The following CTNNA1 variants were observed in gnomAD, a reference collection of about 807,000 sequenced individuals.
The protein encoded by CTNNA1 is catenin alpha 1, also known as catenin alpha-1.
Under a neutral mutation model 98.4 loss-of-function variants are expected in CTNNA1, and 37 were observed. The ratio of observed to expected loss-of-function variants is 0.38; its 90% CI spans 0.29 to 0.49. The LOEUF is 0.49. CTNNA1 is among the 20% of genes least tolerant of loss of function. The probability of loss-of-function intolerance (pLI) is 0.95; values close to 1 mark genes in which losing one functional copy is unlikely to be tolerated. For missense variants in CTNNA1, 761 were observed against 1,147.2 expected (o/e 0.66, Z 4.86); for synonymous variants, 404 against 413.2 (o/e 0.98, Z 0.27).
intron 7 of CTNNA1, chr5:138,881,081 C>A (rs919107062): frequency 1.1e-5 from 5 of 456,148 alleles, no homozygotes; most frequent in African/African-American, 8.0e-5. Flanking sequence ...GATGTTGATT[C>A]CTCCTTGTAT....
chr5:138,780,101 C>T (rs1015130633), intron 1 of CTNNA1, among the ~76,000 whole-genome samples: 5 of 152,224 alleles, frequency 3.3e-5, no homozygotes, highest in Admixed American at 1.3e-4. Context: ...CCAGTTTTTA[C>T]ATGTTCCTTA....
At chr5:138,861,592 A>G (rs1299581603) in intron 7 of CTNNA1, among the ~76,000 whole-genome samples, 1 of 152,186 alleles carries the variant, frequency 6.6e-6, no homozygotes, top group Non-Finnish European at 1.5e-5. Flanking sequence ...TCCCAATTAA[A>G]AACAGCAAGA....
At chr5:138,791,161 T>C (rs1756313810) in intron 3 of CTNNA1, 1 of 152,188 alleles carries the variant, frequency 6.6e-6, no homozygotes, top group Non-Finnish European at 1.5e-5. Context: ...GTCTTAAGAT[T>C]TCTTTGAAAC....
rs577999576 is a variant in CTNNA1 at position 138,805,915 on chromosome 5, T to C, written c.302-4123T>C. 3.3e-5 allele frequency among the ~76,000 whole-genome samples: 5 copies of C among 152,210 alleles called. No homozygotes were observed. In the East Asian group the frequency reaches 7.7e-4, roughly 23 times the overall value. Reference sequence around the variant, plus strand: ...TTTTTTTGATGATGTCAAACTTACCTGTTTTTTGTTCTGTTGTTTGTACTT... The same window carrying C: ...TTTTTTTGATGATGTCAAACTTACCCGTTTTTTGTTCTGTTGTTTGTACTT... On this transcript the variant is annotated intron_variant, in intron 3 of 17. Coordinates refer to ENST00000302763, the MANE Select transcript of CTNNA1 (RefSeq NM_001903.5).
chr5:138,817,490 T>C (rs956376133), intron 5 of CTNNA1, among the ~76,000 whole-genome samples: 1 of 152,238 alleles, frequency 6.6e-6, no homozygotes, highest in African/African-American at 2.4e-5. Context: ...CCAGCTATTA[T>C]TTAATTAAAT....
chr5:138,903,180 T>A (rs1483286142), intron 9 of CTNNA1, among the ~76,000 whole-genome samples: 1 of 152,182 alleles, frequency 6.6e-6, no homozygotes, highest in East Asian at 1.9e-4. Flanking sequence ...TTGTTTCTCC[T>A]TGTGTTTGGG....
At chr5:138,886,144 TGGCTATA>T in intron 7 of CTNNA1, 61 bp from the exon 8 acceptor site, 1 of 1,542,072 alleles carries the variant, frequency 6.5e-7, no homozygotes, top group Non-Finnish European at 8.8e-7. Context: ...TGAGCACAAA[TGGCTATA>T]GGCTATCATT....
intron 3 of CTNNA1, among the ~76,000 whole-genome samples, chr5:138,786,456 T>C (rs765860720): frequency 6.6e-5 from 10 of 152,164 alleles, no homozygotes; most frequent in Non-Finnish European, 1.5e-4. Flanking sequence ...GTGGTGTTAA[T>C]AGGTCTGCAG....
chr5:138,783,392 T>G lies in CTNNA1; in HGVS notation c.301+20T>G, dbSNP rs201543087. 8.9e-4 allele frequency: 1,426 copies of G among 1,595,978 alleles called. No individual in the cohort carries two copies. The highest frequency in any genetic ancestry group is 1.1e-3 in the Non-Finnish European group (1,263 of 1,168,858). ...AACAAGGTAGGTCATTACTGCTTTTTAGGTAAAGAGAGGCAGGCCTTTCTA... is the reference window on the plus strand; with the variant it reads ...AACAAGGTAGGTCATTACTGCTTTTGAGGTAAAGAGAGGCAGGCCTTTCTA... On this transcript the variant is annotated intron_variant, in intron 3 of 17. Transcript: ENST00000302763.
chr5:138,846,013 GCCC>G (rs1258107147), intron 7 of CTNNA1, among the ~76,000 whole-genome samples: 1 of 151,962 alleles, frequency 6.6e-6, no homozygotes, highest in Non-Finnish European at 1.5e-5. Flanking sequence ...TGCAACCTCC[GCCC>G]CCTAGGTTCA....
intron 3 of CTNNA1, among the ~76,000 whole-genome samples, chr5:138,784,427 T>C (rs1033057498): frequency 2.0e-5 from 3 of 152,192 alleles, no homozygotes; most frequent in African/African-American, 7.2e-5. Flanking sequence ...TACCCATAAA[T>C]GGGCAGTGCC....
At chr5:138,756,978 C>T (rs528005058) in intron 1 of CTNNA1, among the ~76,000 whole-genome samples, 267 of 151,658 alleles carry the variant, frequency 1.8e-3, no homozygotes, top group African/African-American at 5.2e-3. Context: ...TTGGGAGGAT[C>T]ACTTGAAGCT....
At chr5:138,788,936 C>T (rs1422069100) in intron 3 of CTNNA1, among the ~76,000 whole-genome samples, 1 of 152,184 alleles carries the variant, frequency 6.6e-6, no homozygotes, top group African/African-American at 2.4e-5. Flanking sequence ...AGCTCATGGG[C>T]ATTTCTGGGT....
intron 3 of CTNNA1, among the ~76,000 whole-genome samples, chr5:138,804,606 T>C (rs1292074306): frequency 1.3e-5 from 2 of 152,268 alleles, no homozygotes; most frequent in African/African-American, 2.4e-5. Flanking sequence ...AGTTCATCCA[T>C]GTTGCACATG....
intron 1 of CTNNA1, among the ~76,000 whole-genome samples, chr5:138,756,145 T>C (rs1175991221): frequency 6.6e-6 from 1 of 151,906 alleles, no homozygotes; most frequent in African/African-American, 2.4e-5. Flanking sequence ...TTCAAGCAAC[T>C]CTCCTGCCTC....
intron 10 of CTNNA1, among the ~76,000 whole-genome samples, chr5:138,910,093 CT>C (rs1253836737): frequency 6.6e-6 from 1 of 152,200 alleles, no homozygotes; most frequent in African/African-American, 2.4e-5. Flanking sequence ...CTCTACCCTT[CT>C]GTGCCTCCCA....
chr5:138,852,367 C>T (rs1179844749), intron 7 of CTNNA1, among the ~76,000 whole-genome samples: 1 of 145,850 alleles, frequency 6.9e-6, no homozygotes, highest in African/African-American at 2.5e-5. Context: ...ACCTCTTTCT[C>T]GGGCAGTGTT....
At chr5:138,904,613 T>A in intron 10 of CTNNA1, 172 bp downstream of exon 10, 1 of 847,650 alleles carries the variant, frequency 1.2e-6, no homozygotes, top group Non-Finnish European at 1.8e-6. Flanking sequence ...TGTTTAACAT[T>A]AAGTGACATT....
chr5:138,860,150 C>G (rs372073768), intron 7 of CTNNA1, among the ~76,000 whole-genome samples: 1 of 152,088 alleles, frequency 6.6e-6, no homozygotes, highest in Non-Finnish European at 1.5e-5. Flanking sequence ...AATCAAAATA[C>G]TGATTATTGT....
Sources: allele counts gnomAD v4.1 joint callset (sites outside exome capture counted in the v4.1 genomes callset), GRCh38; gene constraint gnomAD v4.1.1; transcripts MANE v1.5; gene names NCBI Gene and HGNC (gene_info 2026-07-23, HGNC 2026-07-21).